Variants in GPHN observed in about 807,000 individuals in gnomAD.
The protein encoded by GPHN is gephyrin.
GPHN carries 17 observed loss-of-function variants against 95.5 expected under a neutral mutation model. That is an observed-to-expected ratio of 0.18 (90% CI 0.12 to 0.27). GPHN has a LOEUF of 0.27. GPHN is among the 10% of genes least tolerant of loss of function. The pLI is 1.00. For missense variants in GPHN, 660 were observed against 978.1 expected, an observed-to-expected ratio of 0.67 and a Z score of 4.34; for synonymous variants, 320 against 322.5, an observed-to-expected ratio of 0.99 and a Z score of 0.08.
At chr14:67,178,268 G>T (rs1452858939) in intron 21 of GPHN, among the ~76,000 whole-genome samples, 1 of 152,042 alleles carries the variant, frequency 6.6e-6, no homozygotes, top group African/African-American at 2.4e-5. Flanking sequence ...TGATGACAAG[G>T]CTCCCAGCAT....
At chr14:67,380,925 T>C in the GPHN span, among the ~76,000 whole-genome samples, 7 of 152,348 alleles carry the variant, frequency 4.6e-5, no homozygotes, top group Middle Eastern at 3.4e-3. Context: ...TTTTGGCTTC[T>C]GAATCATAAA....
intron 8 of GPHN, among the ~76,000 whole-genome samples, 165 bp from the exon 9 acceptor site, chr14:66,965,026 A>C (rs2069221049): frequency 1.3e-5 from 2 of 152,282 alleles, no homozygotes; most frequent in Middle Eastern, 3.4e-3. Context: ...TAAATCTGAA[A>C]GTTTCTATTC....
At chr14:66,638,453 A>G (rs1595360401) in intron 1 of GPHN, among the ~76,000 whole-genome samples, 2 of 152,196 alleles carry the variant, frequency 1.3e-5, no homozygotes, top group South Asian at 2.1e-4. Context: ...AAGAACAACA[A>G]CGACAACAAC....
intron 12 of GPHN, among the ~76,000 whole-genome samples, chr14:67,093,648 T>C (rs2077227804): frequency 6.6e-6 from 1 of 152,084 alleles, no homozygotes; most frequent in Non-Finnish European, 1.5e-5. Flanking sequence ...TACTAACAAT[T>C]AATAGGCATT....
chr14:66,853,929 A>G (rs1446709653), intron 4 of GPHN, among the ~76,000 whole-genome samples: 1 of 152,120 alleles, frequency 6.6e-6, no homozygotes, highest in Non-Finnish European at 1.5e-5. Flanking sequence ...TTCTTTTTCT[A>G]TTTTGCCGTT....
intron 2 of GPHN, among the ~76,000 whole-genome samples, chr14:66,705,784 C>G (rs1416517742): frequency 6.6e-6 from 1 of 152,148 alleles, no homozygotes; most frequent in Non-Finnish European, 1.5e-5. Context: ...CTCACCACTT[C>G]TATTCAAGAT....
intron 2 of GPHN, among the ~76,000 whole-genome samples, chr14:66,729,666 G>A (rs1463087175): frequency 1.3e-5 from 2 of 151,948 alleles, no homozygotes; most frequent in Non-Finnish European, 2.9e-5. Flanking sequence ...ATTATTTTTT[G>A]TATATATATT....
the GPHN span, among the ~76,000 whole-genome samples, chr14:67,687,304 C>G: frequency 6.6e-6 from 1 of 152,114 alleles, no homozygotes; most frequent in African/African-American, 2.4e-5. Flanking sequence ...ACTGTGGCCT[C>G]TAAGGGTTTG....
chr14:67,154,372 G>A (rs553872154), intron 18 of GPHN, among the ~76,000 whole-genome samples: 23 of 152,034 alleles, frequency 1.5e-4, no homozygotes, highest in South Asian at 1.0e-3. Context: ...TTCCTTCATC[G>A]CATGTACCAC....
At chr14:67,103,380 A>G (rs1269974828) in intron 13 of GPHN, among the ~76,000 whole-genome samples, 1 of 151,922 alleles carries the variant, frequency 6.6e-6, no homozygotes, top group Non-Finnish European at 1.5e-5. Flanking sequence ...AGGATTTTCT[A>G]TTTCTGTGAA....
At chr14:66,865,657 A>G (rs1013898974) in intron 4 of GPHN, among the ~76,000 whole-genome samples, 5 of 152,118 alleles carry the variant, frequency 3.3e-5, no homozygotes, top group South Asian at 2.1e-4. Context: ...GTTTCCATCT[A>G]TCGCATTTAT....
chr14:67,161,442 A>G (rs1355063170), intron 19 of GPHN, among the ~76,000 whole-genome samples: 1 of 151,914 alleles, frequency 6.6e-6, no homozygotes, highest in Non-Finnish European at 1.5e-5. Flanking sequence ...TCCCAAAAGC[A>G]TATCAGTGTG....
chr14:66,898,045 CTG>C (rs1220666452), intron 5 of GPHN, among the ~76,000 whole-genome samples: 1 of 151,960 alleles, frequency 6.6e-6, no homozygotes, highest in African/African-American at 2.4e-5. Context: ...TATTGTCTGA[CTG>C]TGTTTTTTAG....
chr14:67,378,903 A>C, the GPHN span, among the ~76,000 whole-genome samples: 1 of 152,188 alleles, frequency 6.6e-6, no homozygotes, highest in Admixed American at 6.5e-5. Context: ...TTATGTATCA[A>C]TATCATTTGT....
intron 20 of GPHN, among the ~76,000 whole-genome samples, chr14:67,168,551 A>G (rs2082413608): frequency 6.6e-6 from 1 of 152,242 alleles, no homozygotes; most frequent in East Asian, 1.9e-4. Context: ...GTAATACTAT[A>G]GTAATTTTTA....
intron 1 of GPHN, among the ~76,000 whole-genome samples, chr14:66,631,347 G>A (rs775723582): frequency 4.5e-4 from 68 of 152,056 alleles, no homozygotes; most frequent in Non-Finnish European, 9.1e-4. Flanking sequence ...GCGCCCGGCC[G>A]GCACAGTCGT....
At chr14:67,652,969 T>G in the GPHN span, among the ~76,000 whole-genome samples, 1 of 152,134 alleles carries the variant, frequency 6.6e-6, no homozygotes, top group Non-Finnish European at 1.5e-5. Flanking sequence ...TTTTTGTATT[T>G]TTAGTAGAGA....
chr14:67,725,305 G>C, the GPHN span: 1 of 1,587,854 alleles, frequency 6.3e-7, no homozygotes, highest in Non-Finnish European at 8.6e-7. Flanking sequence ...TATGGGAGTG[G>C]CTGCTCCACC....
intron 1 of GPHN, among the ~76,000 whole-genome samples, chr14:66,568,677 A>G (rs1459422194): frequency 6.6e-6 from 1 of 152,164 alleles, no homozygotes; most frequent in Non-Finnish European, 1.5e-5. Context: ...ATTGAATTCT[A>G]TCAAAAGCCT....
Sources: allele counts gnomAD v4.1 joint callset (sites outside exome capture counted in the v4.1 genomes callset), GRCh38; gene constraint gnomAD v4.1.1; transcripts MANE v1.5; gene names NCBI Gene and HGNC (gene_info 2026-07-23, HGNC 2026-07-21).